The following OTULINL variants were observed in gnomAD, a reference collection of about 807,000 sequenced individuals.
The protein encoded by OTULINL is inactive ubiquitin thioesterase OTULINL.
Under a neutral mutation model 43.9 loss-of-function variants are expected in OTULINL, and 42 were observed. The ratio of observed to expected loss-of-function variants is 0.96; its 90% CI spans 0.75 to 1.24. The LOEUF (loss-of-function observed/expected upper bound fraction) is 1.24, where lower values mean the gene tolerates loss of function less well. OTULINL is among the 50% of genes most tolerant of loss of function. OTULINL has a pLI of 0.00. For missense variants in OTULINL, 411 were observed against 426.4 expected (o/e 0.96, Z 0.32); for synonymous variants, 172 against 153.6 (o/e 1.12, Z -0.88).
At chr5:14,600,917 T>C in intron 1 of OTULINL, 48 bp from the exon 2 acceptor site, 9 of 1,360,060 alleles carry the variant, frequency 6.6e-6, no homozygotes, top group Non-Finnish European at 8.6e-6. Context: ...AGCAAACTTG[T>C]GTAATTGTGA....
Position 14,600,949 on chromosome 5 carries a change from TTTGTA to T in OTULINL, c.65-15_65-11del. 7.8e-7 allele frequency: 1 copy of T among 1,283,816 alleles called. No individual in the cohort carries two copies. Among genetic ancestry groups the T allele is most frequent in the Non-Finnish European group, 9.9e-7 (1 of 1,010,748 alleles). 79.5% of individuals were successfully genotyped at this position (1,283,816 alleles called of 1,614,324 possible). ...GTGATGTGCTTTTTTTTTTTTTTTT[TTTGTA>T]ATTTTCATAGGAAGTGACCAAGTTC... On this transcript the variant is annotated splice_polypyrimidine_tract_variant and intron_variant, in intron 1 of 7. Transcript: ENST00000274217.
Position 14,585,417 on chromosome 5 carries a change from T to C in OTULINL, c.64+3459T>C, listed in dbSNP as rs546007232. Among the ~76,000 whole-genome samples the C allele has an allele frequency of 6.6e-5, 10 of 152,292 alleles. No homozygotes were observed. The East Asian group carries it at 1.9e-3, about 29-fold the overall frequency. On this transcript the variant is annotated intron_variant, in intron 1 of 7. Transcript: ENST00000274217. Reference sequence around the variant, plus strand: ...TACATTTCTATGAGATGAATAAATATCAAATAGAATGTAACTTTTTTGGTA... The same window carrying C: ...TACATTTCTATGAGATGAATAAATACCAAATAGAATGTAACTTTTTTGGTA...
chr5:14,614,938 T>TA lies in OTULINL; in HGVS notation c.*4625dup. On this transcript the variant is annotated 3_prime_UTR_variant, in exon 8 of 8. Coordinates refer to ENST00000274217, the MANE Select transcript of OTULINL (RefSeq NM_019018.3). ...ACCAGACCAGTGAGAGTCACTCACT[T>TA]ATTTGTAATGATTCTTGGGAAGTTT... 1 of 395,902 alleles carries TA rather than the reference T, an allele frequency of 2.5e-6. No homozygotes were observed. 24.5% of individuals were successfully genotyped at this position (395,902 alleles called of 1,614,324 possible).
At chr5:14,606,732 T>C (rs31975) in intron 5 of OTULINL, among the ~76,000 whole-genome samples, 108,864 of 152,066 alleles carry the variant, frequency 0.72, 41,758 homozygotes, top group South Asian at 0.89. Flanking sequence ...CATCATTTGG[T>C]TAAAAATAAT....
intron 1 of OTULINL, 126 bp downstream of exon 1, chr5:14,582,084 G>T (rs1470248190): frequency 6.3e-6 from 4 of 635,762 alleles, no homozygotes; most frequent in Non-Finnish European, 8.6e-6. Context: ...TGGGGGCTGG[G>T]AATCCTGGAG....
rs144937866 is a variant in OTULINL, at chr5:14,616,006, A to G, written c.*5692A>G. Among the ~76,000 whole-genome samples the G allele has an allele frequency of 7.4e-3, 1,134 of 152,364 alleles. 11 individuals are homozygous for G. The highest frequency in any genetic ancestry group is 0.026 in the African/African-American group (1,065 of 41,596). On this transcript the variant is annotated 3_prime_UTR_variant, in exon 8 of 8. Coordinates refer to ENST00000274217, the MANE Select transcript of OTULINL (RefSeq NM_019018.3). ...TAAAACAGTGCTTTTTAAACTATCC[A>G]TGGTAAAGGATGAGTTTTAAAAATT...
chr5:14,589,877 G>A (rs374080454), intron 1 of OTULINL, among the ~76,000 whole-genome samples: 26 of 152,264 alleles, frequency 1.7e-4, no homozygotes, highest in African/African-American at 5.5e-4. Flanking sequence ...CTTGAACTTT[G>A]GAGGCAGAGG....
At chr5:14,595,781 C>T (rs1048112385) in intron 1 of OTULINL, among the ~76,000 whole-genome samples, 3 of 149,932 alleles carry the variant, frequency 2.0e-5, no homozygotes, top group African/African-American at 4.9e-5. Flanking sequence ...TATAATTCCT[C>T]TAGGACATGT....
intron 1 of OTULINL, among the ~76,000 whole-genome samples, 171 bp downstream of exon 1, chr5:14,582,129 G>C (rs1043920471): frequency 2.6e-5 from 4 of 152,082 alleles, no homozygotes; most frequent in Non-Finnish European, 5.9e-5. Flanking sequence ...AGCCGGGCGG[G>C]AGTGGGGCGG....
At chr5:14,607,198 C>T in intron 5 of OTULINL, 132 bp from the exon 6 acceptor site, 1 of 1,009,976 alleles carries the variant, frequency 9.9e-7, no homozygotes, top group Non-Finnish European at 1.4e-6. Flanking sequence ...CCACTGCACT[C>T]CAGCCTGGGC....
intron 1 of OTULINL, among the ~76,000 whole-genome samples, chr5:14,583,295 A>G (rs1166436904): frequency 1.3e-5 from 2 of 151,978 alleles, no homozygotes; most frequent in African/African-American, 4.8e-5. Context: ...ACTCTGTCCT[A>G]CCTCCCACTC....
chr5:14,615,672 A>G lies in OTULINL; in HGVS notation c.*5358A>G, dbSNP rs1208820681. ...TGAAAAGCTACCTTTAGCCGTAGAT[A>G]AACATTAAAAGGAAGACTCAGCCCC... On this transcript the variant is annotated 3_prime_UTR_variant, in exon 8 of 8. Transcript: ENST00000274217. Among the ~76,000 whole-genome samples the G allele has an allele frequency of 6.6e-6, 1 of 152,248 alleles. No homozygotes were observed. Among genetic ancestry groups the G allele is most frequent in the Non-Finnish European group, 1.5e-5 (1 of 68,042 alleles).
At chr5:14,602,042 C>T (rs569414072) in intron 4 of OTULINL, 141 bp from the exon 5 acceptor site, 2 of 627,784 alleles carry the variant, frequency 3.2e-6, no homozygotes, top group South Asian at 4.9e-5. Flanking sequence ...TTTAAAATTA[C>T]ATGCGGTCAT....
In OTULINL at chr5:14,602,219, T is replaced by TTTA; in HGVS notation, c.385_386insTTA (p.Cys129delinsPheSer). 6.2e-7 allele frequency: 1 copy of TTTA among 1,612,804 alleles called. No individual in the cohort carries two copies. The highest frequency in any genetic ancestry group is 8.5e-7 in the Non-Finnish European group (1 of 1,179,506). ...GCTATTTTGGCGGCATCACATTAAA[T>TTTA]GTGTTCGACAAGTAAGGAGAGATAA... On this transcript the variant is annotated protein_altering_variant, in exon 5 of 8. Coordinates refer to ENST00000274217, the MANE Select transcript of OTULINL (RefSeq NM_019018.3).
chr5:14,601,730 G>A (rs911482612), intron 4 of OTULINL, among the ~76,000 whole-genome samples: 25 of 152,188 alleles, frequency 1.6e-4, no homozygotes, highest in African/African-American at 4.6e-4. Flanking sequence ...TTAAACATCC[G>A]CATGTGCAGT....
intron 2 of OTULINL, 38 bp downstream of exon 2, chr5:14,601,162 T>C: frequency 6.2e-7 from 1 of 1,611,830 alleles, no homozygotes; most frequent in Non-Finnish European, 8.5e-7. Context: ...CAAATGTATC[T>C]TTACTATTCA....
intron 1 of OTULINL, among the ~76,000 whole-genome samples, chr5:14,590,949 G>A (rs931125160): frequency 7.9e-5 from 12 of 152,162 alleles, no homozygotes; most frequent in African/African-American, 2.9e-4. Context: ...TTTTGCACAG[G>A]AGATGATACA....
chr5:14,587,101 G>T (rs1180242062), intron 1 of OTULINL, among the ~76,000 whole-genome samples: 2 of 152,184 alleles, frequency 1.3e-5, no homozygotes, highest in African/African-American at 4.8e-5. Context: ...GTTCTCTGTA[G>T]CATTTAGTCT....
intron 1 of OTULINL, among the ~76,000 whole-genome samples, chr5:14,592,532 G>A (rs560915289): frequency 6.6e-6 from 1 of 152,266 alleles, no homozygotes; most frequent in Non-Finnish European, 1.5e-5. Context: ...GATCCACAGT[G>A]AATTAAGATT....
Sources: allele counts gnomAD v4.1 joint callset (sites outside exome capture counted in the v4.1 genomes callset), GRCh38; gene constraint gnomAD v4.1.1; transcripts MANE v1.5; gene names NCBI Gene and HGNC (gene_info 2026-07-23, HGNC 2026-07-21).